Variants in POLA1 observed in about 807,000 individuals in gnomAD.
POLA1 encodes DNA polymerase alpha 1, catalytic subunit.
In POLA1, 15 loss-of-function variants were observed where a neutral mutation model predicts 124.0. That is an observed-to-expected ratio of 0.12 (90% CI 0.08 to 0.19). The LOEUF (loss-of-function observed/expected upper bound fraction) is 0.19. Ranked by LOEUF, POLA1 falls within the 10% of genes least tolerant of loss-of-function variation. The pLI is 1.00. For missense variants in POLA1, 886 were observed against 1,103.4 expected (o/e 0.80, Z 2.79); for synonymous variants, 408 against 389.4 (o/e 1.05, Z -0.56).
chrX:24,701,898 C>T (rs1307912494), intron 2 of POLA1, among the ~76,000 whole-genome samples: 57 of 108,080 alleles, frequency 5.3e-4, no homozygotes, highest in East Asian at 2.9e-4. Flanking sequence ...GGATTACAGG[C>T]GCCCCCCACC....
chrX:24,694,779 T>C (rs1927859586), intron 1 of POLA1, among the ~76,000 whole-genome samples: 1 of 112,662 alleles, frequency 8.9e-6, no homozygotes, highest in South Asian at 3.7e-4. Flanking sequence ...AATCAGATGC[T>C]TCACTTTGTT....
At chrX:24,756,268 A>G (rs935736291) in intron 26 of POLA1, among the ~76,000 whole-genome samples, 5 of 111,672 alleles carry the variant, frequency 4.5e-5, no homozygotes, top group African/African-American at 9.8e-5. Context: ...CATGTAAAAA[A>G]TACAAAGTTT....
Position 24,996,125 on chromosome X carries a change from G to A in POLA1, c.*175G>A, listed in dbSNP as rs951439139. 2.6e-4 allele frequency: 107 copies of A among 412,837 alleles called. No individual in the cohort carries two copies. In the East Asian group the frequency reaches 3.2e-3, roughly 12 times the overall value. 34.0% of individuals were successfully genotyped at this position (412,837 alleles called of 1,213,427 possible). Reference sequence around the variant, plus strand: ...TGCAAAAATGTTGAGTCTAATGTTCGTAAGCATCATAGAAATTCCTGTCTT... The same window carrying A: ...TGCAAAAATGTTGAGTCTAATGTTCATAAGCATCATAGAAATTCCTGTCTT... On this transcript the variant is annotated 3_prime_UTR_variant, in exon 37 of 37. Transcript: ENST00000379068.
At chrX:24,859,910 A>G (rs188011934) in intron 34 of POLA1, among the ~76,000 whole-genome samples, 3 of 112,851 alleles carry the variant, frequency 2.7e-5, no homozygotes, top group East Asian at 5.6e-4. Flanking sequence ...CTAAACTTCA[A>G]TCACCTTAGG....
chrX:24,872,423 T>TA (rs1297371833), intron 34 of POLA1, among the ~76,000 whole-genome samples: 1 of 111,698 alleles, frequency 9.0e-6, no homozygotes, highest in African/African-American at 3.3e-5. Context: ...CTGAATGGCT[T>TA]AAAAGAAGAC....
chrX:24,910,444 G>A (rs2047433068), intron 35 of POLA1, among the ~76,000 whole-genome samples: 1 of 111,006 alleles, frequency 9.0e-6, no homozygotes, highest in Non-Finnish European at 1.9e-5. Flanking sequence ...AGAGTTTTTA[G>A]CATGAAGCGT....
chrX:24,759,205 C>A (rs987280906), intron 26 of POLA1, among the ~76,000 whole-genome samples: 1 of 112,039 alleles, frequency 8.9e-6, no homozygotes, highest in African/African-American at 3.2e-5. Context: ...TATTCTCAAT[C>A]CAAATTTGTG....
At chrX:24,967,221 GTTTT>G (rs34398619) in intron 36 of POLA1, among the ~76,000 whole-genome samples, 1 of 98,250 alleles carries the variant, frequency 1.0e-5, no homozygotes, top group Admixed American at 1.1e-4. Flanking sequence ...ATTTTTAACT[GTTTT>G]TTTTTTTTTT....
chrX:24,793,458 T>C (rs772499484), intron 26 of POLA1, among the ~76,000 whole-genome samples: 15 of 111,168 alleles, frequency 1.3e-4, no homozygotes, highest in Non-Finnish European at 2.3e-4. Flanking sequence ...GAGATGACAT[T>C]GGTATTAATA....
rs1211255184 is a variant in POLA1 at position 24,812,848 on chromosome X, C to T, written c.3281C>T (p.Ala1094Val). The T allele has an allele frequency of 2.6e-6, 3 of 1,172,908 alleles. No homozygotes were observed. In the South Asian group the frequency reaches 5.5e-5, roughly 22 times the overall value. Residue 1094 changes from alanine to valine, a missense_variant, in exon 29 of 37, where the codon GCT (alanine) becomes GTT (valine). Transcript: ENST00000379068. ...DIVRRDWCDL[A>V]KDTGNFVIGQ... ...GTTAGAAGAGATTGGTGTGATCTTGCTAAAGACACTGGAAAGTGAGTTCAG... is the reference window on the plus strand; with the variant it reads ...GTTAGAAGAGATTGGTGTGATCTTGTTAAAGACACTGGAAAGTGAGTTCAG...
At chrX:24,863,262 C>CT (rs986248958) in intron 34 of POLA1, among the ~76,000 whole-genome samples, 1 of 106,607 alleles carries the variant, frequency 9.4e-6, no homozygotes, top group Non-Finnish European at 1.9e-5. Context: ...GAGTATGCCC[C>CT]CCCCCATCTT....
At chrX:24,932,135 G>A (rs2047792448) in intron 36 of POLA1, among the ~76,000 whole-genome samples, 1 of 112,248 alleles carries the variant, frequency 8.9e-6, no homozygotes, top group Admixed American at 9.4e-5. Flanking sequence ...CTGACCTCAG[G>A]TGATCTGCCT....
At chrX:24,898,813 A>T (rs1213094102) in intron 35 of POLA1, among the ~76,000 whole-genome samples, 1 of 111,779 alleles carries the variant, frequency 8.9e-6, no homozygotes, top group African/African-American at 3.2e-5. Context: ...CATTTTTTTT[A>T]AATCTGGAAT....
Position 24,809,880 on chromosome X carries a change from G to T in POLA1, c.2965-18G>T. On this transcript the variant is annotated intron_variant, in intron 26 of 36. Coordinates refer to ENST00000379068, the MANE Select transcript of POLA1 (RefSeq NM_001330360.2). The stretch of plus-strand genomic sequence containing the variant: ...TATAATTGTGTAACTTATTAATCTT[G>T]ACTTTTGTTTCATTTAGATTTTGAT... 1 of 1,009,644 alleles carries T rather than the reference G, an allele frequency of 9.9e-7. No individual in the cohort carries two copies. 83.2% of individuals were successfully genotyped at this position (1,009,644 alleles called of 1,213,427 possible). A position where few individuals can be genotyped will look rare whatever the true frequency, so the allele number is the denominator to read the frequency against.
At chrX:24,878,914 C>T (rs1245801677) in intron 34 of POLA1, among the ~76,000 whole-genome samples, 1 of 110,636 alleles carries the variant, frequency 9.0e-6, no homozygotes, top group African/African-American at 3.3e-5. Flanking sequence ...AAAACTGTCT[C>T]CTCGTTAATA....
At position 24,849,320 on chromosome X, in the gene POLA1, C is replaced by T. The variant is rs1433023863; in HGVS notation, c.4047+5643C>T. Among the ~76,000 whole-genome samples the T allele has an allele frequency of 2.7e-5, 3 of 112,707 alleles. No individual in the cohort carries two copies. The Admixed American group carries it at 2.8e-4, about 11-fold the overall frequency. On this transcript the variant is annotated intron_variant, in intron 34 of 36. Coordinates refer to ENST00000379068, the MANE Select transcript of POLA1 (RefSeq NM_001330360.2). ...TTTTTAGGAATCCATAGAACTCATCCTAAATCTTGTTAAAACCAAATGAAA... is the reference window on the plus strand; with the variant it reads ...TTTTTAGGAATCCATAGAACTCATCTTAAATCTTGTTAAAACCAAATGAAA...
intron 35 of POLA1, among the ~76,000 whole-genome samples, chrX:24,901,180 A>G (rs1246284819): frequency 1.8e-5 from 2 of 111,445 alleles, no homozygotes; most frequent in African/African-American, 6.5e-5. Flanking sequence ...TACTGTGGAG[A>G]AGAATTCAGC....
At chrX:24,872,728 A>T (rs1569345619) in intron 34 of POLA1, among the ~76,000 whole-genome samples, 2 of 111,868 alleles carry the variant, frequency 1.8e-5, no homozygotes, top group Non-Finnish European at 3.8e-5. Context: ...CGTCAGTAGG[A>T]ATAATCATCT....
chrX:24,724,521 T>C, intron 12 of POLA1, 70 bp downstream of exon 12: 1 of 537,117 alleles, frequency 1.9e-6, no homozygotes. Flanking sequence ...AAATAGTTAT[T>C]GCATATTTTC....
Sources: gnomAD v4.1 joint callset for allele counts (sites outside exome capture counted in the v4.1 genomes callset) on GRCh38, gnomAD v4.1.1 for gene constraint, MANE v1.5 for transcripts, NCBI Gene and HGNC (gene_info 2026-07-23, HGNC 2026-07-21) for gene names.